The following PTPRB variants were observed in gnomAD, a reference collection of about 807,000 sequenced individuals.
PTPRB encodes the protein protein tyrosine phosphatase receptor type B, also known as receptor-type tyrosine-protein phosphatase beta.
A neutral mutation model predicts 238.1 loss-of-function variants in PTPRB; 97 were observed. That is an observed-to-expected ratio of 0.41 (90% CI 0.35 to 0.48). The LOEUF is 0.48. PTPRB is among the 20% of genes least tolerant of loss of function. The probability of loss-of-function intolerance (pLI) is 0.30; values close to 1 mark genes in which losing one functional copy is unlikely to be tolerated. For missense variants in PTPRB, 2,292 were observed against 2,681.9 expected (o/e 0.85, Z 3.21); for synonymous variants, 970 against 995.4 (o/e 0.97, Z 0.48).
intron 1 of PTPRB, among the ~76,000 whole-genome samples, chr12:70,637,094 A>G (rs2136623912): frequency 6.6e-6 from 1 of 152,310 alleles, no homozygotes; most frequent in Admixed American, 6.5e-5. Context: ...GCTCTGCTCT[A>G]AATGTATCAT....
chr12:70,596,189 T>C lies in PTPRB; in HGVS notation c.1118A>G (p.Gln373Arg). The C allele has an allele frequency of 6.2e-7, 1 of 1,613,810 alleles. No individual in the cohort carries two copies. The highest frequency in any genetic ancestry group is 2.2e-5 in the East Asian group (1 of 44,866). ...AGTACTTTCTTGAATTTGAACCCCC[T>C]GTATCTTTTGGTTATTTTCATCAAA... ...QLFDENNQKI[Q>R]GVQIQESTSW... Residue 373 changes from glutamine (Q) to arginine (R), a missense_variant, in exon 5 of 34, where the codon CAG (glutamine) becomes CGG (arginine). By Grantham distance (43) the Gln-to-Arg change is conservative. This residue lies in a region of PTPRB where 1,205 missense variants were observed against 1,287.8 expected (regional missense o/e 0.94). Coordinates refer to ENST00000334414, the MANE Select transcript of PTPRB (RefSeq NM_001109754.4).
In PTPRB at chr12:70,555,849, C is replaced by T. The variant is rs185812735; in HGVS notation, c.4993+21G>A. The stretch of plus-strand genomic sequence containing the variant: ...CACTCCAGTGACAGGAGGCTCTGTG[C>T]GCACCTCCAGGGACACTTACGGTCT... On this transcript the variant is annotated intron_variant, in intron 19 of 33. Transcript: ENST00000334414. The T allele has an allele frequency of 2.9e-3, 4,632 of 1,608,712 alleles. 18 individuals are homozygous for T. The highest frequency in any genetic ancestry group is 7.1e-3 in the South Asian group (641 of 90,642).
intron 4 of PTPRB, among the ~76,000 whole-genome samples, chr12:70,598,992 C>A (rs1401786739): frequency 2.6e-5 from 4 of 152,152 alleles, no homozygotes; most frequent in African/African-American, 9.7e-5. Flanking sequence ...GCTGCGAGAA[C>A]CTGCACTGGA....
rs1187220641 is a variant in PTPRB at position 70,519,668 on chromosome 12, A to G, written c.*1821T>C. 1 of 152,140 alleles carries G rather than the reference A, an allele frequency of 6.6e-6. No individual in the cohort carries two copies. The highest frequency in any genetic ancestry group is 1.5e-5 in the Non-Finnish European group (1 of 68,034). The allele number at this position is 152,140 out of a possible 1,614,324, so 9.4% of individuals were successfully genotyped here. Reference sequence around the variant, plus strand: ...AAAGGTGATTTCTAATGGATGCCACACGTTGTAGATCTCTGACCTCTATTT... The same window carrying G: ...AAAGGTGATTTCTAATGGATGCCACGCGTTGTAGATCTCTGACCTCTATTT... On this transcript the variant is annotated 3_prime_UTR_variant, in exon 34 of 34. Transcript: ENST00000334414.
intron 32 of PTPRB, chr12:70,525,247 T>TTCATGTCTTTTTCACTACACCATA (rs1872252249): frequency 6.6e-6 from 1 of 152,090 alleles, no homozygotes; most frequent in Admixed American, 6.6e-5. Context: ...GACCTCAAAG[T>TTCATGTCTTTTTCACTACACCATA]TCATGTCTTT....
intron 2 of PTPRB, among the ~76,000 whole-genome samples, chr12:70,625,543 A>G (rs901174482): frequency 1.4e-5 from 2 of 147,286 alleles, no homozygotes; most frequent in Non-Finnish European, 3.0e-5. Flanking sequence ...AATATATAAG[A>G]TGATTAAGTT....
At chr12:70,539,431 C>T (rs1874695506) in intron 26 of PTPRB, 194 bp downstream of exon 26, 3 of 588,398 alleles carry the variant, frequency 5.1e-6, no homozygotes, top group Non-Finnish European at 9.0e-6. Context: ...TATTCTGGAG[C>T]TCAAGCTGGC....
chr12:70,590,939 A>ATTTTT (rs1882430903), intron 7 of PTPRB, among the ~76,000 whole-genome samples: 1 of 113,054 alleles, frequency 8.8e-6, no homozygotes, highest in Non-Finnish European at 1.9e-5. Flanking sequence ...ATTTCCTCCA[A>ATTTTT]GTTTTTTTTT....
At chr12:70,633,120 T>C (rs1289190499) in intron 2 of PTPRB, among the ~76,000 whole-genome samples, 1 of 152,200 alleles carries the variant, frequency 6.6e-6, no homozygotes, top group Non-Finnish European at 1.5e-5. Context: ...ACAACACATG[T>C]ATTTGTGCTG....
At chr12:70,626,672 A>G (rs1885219705) in intron 2 of PTPRB, among the ~76,000 whole-genome samples, 1 of 152,052 alleles carries the variant, frequency 6.6e-6, no homozygotes, top group Admixed American at 6.6e-5. Context: ...TGTAAACACT[A>G]CATCTTTTTA....
intron 28 of PTPRB, among the ~76,000 whole-genome samples, chr12:70,536,454 G>A (rs1489977341): frequency 1.3e-5 from 2 of 152,030 alleles, no homozygotes; most frequent in Non-Finnish European, 2.9e-5. Context: ...GTGTTGGGGG[G>A]TATTTGTGTA....
intron 20 of PTPRB, among the ~76,000 whole-genome samples, chr12:70,553,617 G>C (rs1293415755): frequency 6.6e-6 from 1 of 152,198 alleles, no homozygotes; most frequent in Non-Finnish European, 1.5e-5. Flanking sequence ...CCAGCCTGCT[G>C]TGTGTTTTGG....
At position 70,532,147 on chromosome 12, in the gene PTPRB, G is replaced by T. The variant is rs1012056585; in HGVS notation, c.6392C>A (p.Thr2131Asn). Residue 2131 changes from threonine (T) to asparagine (N), a missense_variant, in exon 32 of 34, where the codon ACC becomes AAC. By Grantham distance (65) the Thr-to-Asn change is moderately conservative. Transcript: ENST00000334414. ...GAGGATTCGGTCCAATGCAATAAAG[G>T]TTCCAGTCCTACCCACACCAGCACT... is the stretch of plus-strand genomic sequence containing the variant. Reference protein sequence around the residue: ...HCSAGVGRTGTFIALDRILQQ... With the variant: ...HCSAGVGRTGNFIALDRILQQ... 1.9e-6 allele frequency: 3 copies of T among 1,613,048 alleles called. No homozygotes were observed. The highest frequency in any genetic ancestry group is 1.1e-5 in the South Asian group (1 of 90,896).
chr12:70,534,973 G>C lies in PTPRB; in HGVS notation c.6082-18C>G. 2 of 1,598,248 alleles carry C rather than the reference G, an allele frequency of 1.3e-6. No homozygotes were observed. The highest frequency in any genetic ancestry group is 1.7e-6 in the Non-Finnish European group (2 of 1,171,502). On this transcript the variant is annotated intron_variant, in intron 29 of 33. Transcript: ENST00000334414. ...CACTTTACCTAGAACAGGACAGACAGAAAAAACATGAGTCCGGAAAAGTGA... is the reference window on the plus strand; with the variant it reads ...CACTTTACCTAGAACAGGACAGACACAAAAAACATGAGTCCGGAAAAGTGA...
At chr12:70,555,034 G>T in intron 20 of PTPRB, 126 bp downstream of exon 20, 2 of 1,075,820 alleles carry the variant, frequency 1.9e-6, no homozygotes, top group Non-Finnish European at 2.7e-6. Flanking sequence ...CAGAGAGAGG[G>T]GTGAATGATA....
At position 70,524,528 on chromosome 12, in the gene PTPRB, C is replaced by T. The variant is rs780593783; in HGVS notation, c.6568G>A (p.Glu2190Lys). Residue 2190 changes from glutamate (E) to lysine (K), a missense_variant, in exon 33 of 34, where the codon GAA (glutamate) becomes AAA (lysine). Physicochemically the swap from Glu to Lys is moderately conservative, Grantham distance 56. Coordinates refer to ENST00000334414, the MANE Select transcript of PTPRB (RefSeq NM_001109754.4). ...DVLRARKLRSEQENPLFPIYE... is the reference protein window; with the variant it reads ...DVLRARKLRSKQENPLFPIYE... ...ATTGGAAACAAGGGGTTTTCTTGTT[C>T]ACTCCGTAGCTTTCTTGCTCTGAGG... 1.2e-6 allele frequency: 2 copies of T among 1,613,260 alleles called. No homozygotes were observed. The highest frequency in any genetic ancestry group is 1.1e-5 in the South Asian group (1 of 91,046).
rs768757834 is a variant in PTPRB, at chr12:70,590,082, C to G, written c.1932G>C (p.Lys644Asn). 4 of 1,613,954 alleles carry G rather than the reference C, an allele frequency of 2.5e-6. No individual in the cohort carries two copies. The highest frequency in any genetic ancestry group is 3.4e-6 in the Non-Finnish European group (4 of 1,179,878). ...SVVLLNITVG[K>N]EETQYVMDDT... ...CATCCATGACATACTGTGTTTCTTC[C>G]TTTCCCACAGTGATGTTGAGCAGCA... The change falls in exon 8 of 34, where the codon AAG (lysine) becomes AAC (asparagine). Residue 644 changes from lysine to asparagine, a missense_variant. By Grantham distance (94) the Lys-to-Asn change is moderately conservative. Transcript: ENST00000334414.
chr12:70,580,802 G>C (rs201673570), intron 10 of PTPRB, among the ~76,000 whole-genome samples: 2 of 148,686 alleles, frequency 1.3e-5, no homozygotes, highest in Admixed American at 6.7e-5. Flanking sequence ...TGAGCAACCA[G>C]AGCGAAATTC....
chr12:70,564,526 A>G (rs1006216525), intron 15 of PTPRB, among the ~76,000 whole-genome samples: 2 of 150,692 alleles, frequency 1.3e-5, no homozygotes, highest in African/African-American at 4.9e-5. Flanking sequence ...CTCAAAAAAA[A>G]AAAAAAAAAA....
Sources: allele counts gnomAD v4.1 joint callset (sites outside exome capture counted in the v4.1 genomes callset), GRCh38; gene constraint gnomAD v4.1.1; regional missense constraint gnomAD v4.1.1; transcripts MANE v1.5; gene names NCBI Gene and HGNC (gene_info 2026-07-23, HGNC 2026-07-21).